The following DZIP1 variants were observed in gnomAD, a reference collection of about 807,000 sequenced individuals.
The protein encoded by DZIP1 is DAZ interacting zinc finger protein 1, also known as cilium assembly protein DZIP1.
A neutral mutation model predicts 107.6 loss-of-function variants in DZIP1; 97 were observed. The observed-to-expected ratio is 0.90, with a 90% CI of 0.77 to 1.07. The LOEUF is 1.07. Among genes scored for constraint, DZIP1 ranks in the 50% least tolerant of loss-of-function variants. The pLI is 0.00. For synonymous variants in DZIP1, 390 were observed against 386.4 expected (o/e 1.01, Z -0.11); for missense variants, 1,035 against 1,063.6 (o/e 0.97, Z 0.37).
rs1878483260 is a variant in DZIP1, at chr13:95,641,437, C to G, written c.455G>C (p.Ser152Thr). The G allele has an allele frequency of 3.1e-6, 5 of 1,614,168 alleles. No individual in the cohort carries two copies. The East Asian group carries it at 8.9e-5, about 29-fold the overall frequency. Residue 152 changes from serine to threonine, a missense_variant, in exon 5 of 23, where the codon AGC becomes ACC. By Grantham distance (58) the Ser-to-Thr change is moderately conservative. Coordinates refer to ENST00000376829, the MANE Select transcript of DZIP1 (RefSeq NM_198968.4). The surrounding 1 kb of genome is among the most constrained non-coding windows in gnomAD (Gnocchi z 4.3). Reference sequence around the variant, plus strand: ...CTTGCTCTGCTCGCCGTCGCAGTGGCTCAGGCGCAGCCGCTCCTCCAGGGT... The same window carrying G: ...CTTGCTCTGCTCGCCGTCGCAGTGGGTCAGGCGCAGCCGCTCCTCCAGGGT... Reference protein sequence around the residue: ...LHTLEERLRLSHCDGEQSKKL... With the variant: ...LHTLEERLRLTHCDGEQSKKL...
chr13:95,630,520 GT>G (rs1418003462), intron 6 of DZIP1, among the ~76,000 whole-genome samples: 1 of 152,034 alleles, frequency 6.6e-6, no homozygotes, highest in African/African-American at 2.4e-5. Flanking sequence ...TGAAATCTCT[GT>G]GGTCACCATC....
intron 16 of DZIP1, 131 bp downstream of exon 16, chr13:95,593,813 T>G: frequency 9.6e-7 from 1 of 1,037,600 alleles, no homozygotes; most frequent in Non-Finnish European, 1.4e-6. Context: ...ATAAATAAAG[T>G]AGGTCACATT....
chr13:95,586,206 C>T, intron 20 of DZIP1, 70 bp from the exon 21 acceptor site: 2 of 1,331,114 alleles, frequency 1.5e-6, no homozygotes, highest in Non-Finnish European at 2.0e-6. Context: ...TCCAAAATAA[C>T]CTTACAGGAA....
intron 12 of DZIP1, among the ~76,000 whole-genome samples, chr13:95,610,866 G>T (rs548927948): frequency 6.6e-6 from 1 of 152,268 alleles, no homozygotes; most frequent in African/African-American, 2.4e-5. Context: ...TCTGTCTCAT[G>T]CATTAGCTGG....
rs1052904578 is a variant in DZIP1 at position 95,586,028 on chromosome 13, T to C, written c.2327A>G (p.Lys776Arg). ...GTNVPEMFIKKEELQELKCAD... is the reference protein window; with the variant it reads ...GTNVPEMFIKREELQELKCAD... ...CACCTTTAGTTCTTGTAATTCTTCT[T>C]TTTTGATAAACATCTCAGGGACATT... The change falls in exon 21 of 23, where the codon AAA (lysine) becomes AGA (arginine). Residue 776 changes from lysine (K) to arginine (R), a missense_variant. Lys to Arg is a conservative substitution (Grantham distance 26, BLOSUM62 2). Coordinates refer to ENST00000376829, the MANE Select transcript of DZIP1 (RefSeq NM_198968.4). 2 of 1,601,816 alleles carry C rather than the reference T, an allele frequency of 1.2e-6. No individual in the cohort carries two copies. The highest frequency in any genetic ancestry group is 1.8e-5 in the Admixed American group (1 of 56,768).
At chr13:95,596,236 A>C (rs1205395272) in intron 15 of DZIP1, among the ~76,000 whole-genome samples, 2 of 152,184 alleles carry the variant, frequency 1.3e-5, no homozygotes, top group Admixed American at 1.3e-4. Context: ...CATATTGCTC[A>C]CCAAGACCAA....
Position 95,584,845 on chromosome 13 carries a change from T to G in DZIP1, c.2415A>C (p.Lys805Asn), listed in dbSNP as rs1288943512. Residue 805 changes from lysine (K) to asparagine (N), a missense_variant, in exon 22 of 23, where the codon AAA (lysine) becomes AAC (asparagine). By Grantham distance (94) the Lys-to-Asn change is moderately conservative. Transcript: ENST00000376829. The stretch of plus-strand genomic sequence containing the variant: ...GTTCCTTCTGTTCTTTCCCAGATTT[T>G]TTTCCCAAAGATATCTCTTCCTCTA... ...SSLEEEISLGKKSGKEQKEPP... is the reference protein window; with the variant it reads ...SSLEEEISLGNKSGKEQKEPP... 1 of 1,614,130 alleles carries G rather than the reference T, an allele frequency of 6.2e-7. No homozygotes were observed. The highest frequency in any genetic ancestry group is 1.1e-5 in the South Asian group (1 of 91,072).
intron 2 of DZIP1, among the ~76,000 whole-genome samples, 155 bp downstream of exon 2, chr13:95,643,446 T>C (rs1878760421): frequency 6.6e-6 from 1 of 152,228 alleles, no homozygotes; most frequent in South Asian, 2.1e-4. Flanking sequence ...CCAAGTTAAT[T>C]GGCCTTTATT....
chr13:95,630,747 T>C (rs1475396876), intron 6 of DZIP1: 2 of 1,282,220 alleles, frequency 1.6e-6, no homozygotes, highest in Non-Finnish European at 2.0e-6. Context: ...TGGATGTACA[T>C]GTGTCTGTGA....
At position 95,611,458 on chromosome 13, in the gene DZIP1, GA is replaced by G; in HGVS notation, c.1349del (p.Ile450ThrfsTer9). 1.9e-6 allele frequency: 3 copies of G among 1,613,664 alleles called. No individual in the cohort carries two copies. The highest frequency in any genetic ancestry group is 2.5e-6 in the Non-Finnish European group (3 of 1,179,610). ...KDFTCNPLNS[I>X]SEPKGNPLAW... The stretch of plus-strand genomic sequence containing the variant: ...CCATCCACTTACCTTTGGGTTCACT[GA>G]TACTGTTTAATGGATTACAGGTAAA... On this transcript the variant is annotated frameshift_variant, in exon 12 of 23. Transcript: ENST00000376829. LOFTEE classifies it high-confidence loss of function.
rs541812924 is a variant in DZIP1 at position 95,606,192 on chromosome 13, A to G, written c.1421-133T>C. On this transcript the variant is annotated intron_variant, in intron 13 of 22. Coordinates refer to ENST00000376829, the MANE Select transcript of DZIP1 (RefSeq NM_198968.4). Reference sequence around the variant, plus strand: ...CCATAAGGAACAAATATTTCAAGTGACAAAGATATTACACAACTAACATAA... The same window carrying G: ...CCATAAGGAACAAATATTTCAAGTGGCAAAGATATTACACAACTAACATAA... 899 of 699,250 alleles carry G rather than the reference A, an allele frequency of 1.3e-3. 2 individuals are homozygous for G. The highest frequency in any genetic ancestry group is 1.8e-3 in the Non-Finnish European group (743 of 411,362). 43.3% of individuals were successfully genotyped at this position (699,250 alleles called of 1,614,324 possible).
rs1347556153 is a variant in DZIP1, at chr13:95,587,641, G to C, written c.2116C>G (p.Pro706Ala). Residue 706 changes from proline to alanine, a missense_variant, in exon 20 of 23, where the codon CCA (proline) becomes GCA (alanine). By Grantham distance (27) the Pro-to-Ala change is conservative (BLOSUM62 -1). Coordinates refer to ENST00000376829, the MANE Select transcript of DZIP1 (RefSeq NM_198968.4). ...ASPGPLPVPP[P>A]QNKGSFGKNT... ...TTCCCGAAGCTGCCCTTGTTTTGTG[G>C]TGGCGGCACAGGAAGTGGGCCTGGG... 6.2e-7 allele frequency: 1 copy of C among 1,614,106 alleles called. No homozygotes were observed. Among genetic ancestry groups the C allele is most frequent in the East Asian group, 2.2e-5 (1 of 44,882 alleles).
chr13:95,627,328 G>A (rs1465557133), intron 7 of DZIP1, among the ~76,000 whole-genome samples: 4 of 152,100 alleles, frequency 2.6e-5, no homozygotes, highest in African/African-American at 9.7e-5. Context: ...ATAAAGTTGG[G>A]CCCCTCTCTC....
intron 14 of DZIP1, among the ~76,000 whole-genome samples, chr13:95,603,366 G>C (rs577227972): frequency 1.2e-4 from 17 of 142,526 alleles, no homozygotes; most frequent in Non-Finnish European, 2.3e-4. Flanking sequence ...CCTCACTGTA[G>C]CTATATACAA....
chr13:95,587,137 G>A (rs572438140), intron 20 of DZIP1, among the ~76,000 whole-genome samples: 1 of 152,298 alleles, frequency 6.6e-6, no homozygotes, highest in Admixed American at 6.5e-5. Flanking sequence ...CACACAGAGG[G>A]AAGATGATGT....
intron 10 of DZIP1, among the ~76,000 whole-genome samples, chr13:95,617,749 G>A (rs943238929): frequency 1.3e-5 from 2 of 152,130 alleles, no homozygotes. Context: ...AGGTTATTTT[G>A]CTGGCTCTGT....
intron 5 of DZIP1, among the ~76,000 whole-genome samples, chr13:95,634,766 T>A (rs984373485): frequency 6.6e-6 from 1 of 152,218 alleles, no homozygotes; most frequent in Non-Finnish European, 1.5e-5. Context: ...CCTTATAAAA[T>A]ATAAAAATTA....
intron 14 of DZIP1, among the ~76,000 whole-genome samples, chr13:95,603,903 C>T (rs2044694771): frequency 6.6e-6 from 1 of 152,200 alleles, no homozygotes; most frequent in Admixed American, 6.5e-5. Context: ...GCAATGTTGG[C>T]TCCTAGCAGC....
chr13:95,582,837 G>A (rs1161437989), intron 22 of DZIP1, among the ~76,000 whole-genome samples: 5 of 152,198 alleles, frequency 3.3e-5, no homozygotes, highest in Non-Finnish European at 1.5e-5. Context: ...CTAGAAATGT[G>A]TTCCTCCAGG....
Sources: allele counts gnomAD v4.1 joint callset (sites outside exome capture counted in the v4.1 genomes callset), GRCh38; gene constraint gnomAD v4.1.1; non-coding constraint Gnocchi (gnomAD v3.1); transcripts MANE v1.5; gene names NCBI Gene and HGNC (gene_info 2026-07-23, HGNC 2026-07-21).